Variants in DGKG observed in about 807,000 individuals in gnomAD.
The protein encoded by DGKG is DAG kinase gamma.
DGKG carries 78 observed loss-of-function variants against 105.3 expected under a neutral mutation model. That is an observed-to-expected ratio of 0.74 (90% CI 0.62 to 0.89). The LOEUF is 0.89. Among genes scored for constraint, DGKG ranks in the 40% least tolerant of loss-of-function variants. DGKG has a pLI of 0.00. For missense variants in DGKG, 958 were observed against 1,020.1 expected, an observed-to-expected ratio of 0.94 and a Z score of 0.83; for synonymous variants, 346 against 367.1, an observed-to-expected ratio of 0.94 and a Z score of 0.66.
chr3:186,163,059 A>G (rs1036842992), intron 23 of DGKG, among the ~76,000 whole-genome samples: 3 of 152,208 alleles, frequency 2.0e-5, no homozygotes, highest in African/African-American at 7.2e-5. Flanking sequence ...AGGCTGGAGT[A>G]CAGTCACATG....
intron 21 of DGKG, among the ~76,000 whole-genome samples, chr3:186,199,810 G>A (rs1395757864): frequency 3.3e-5 from 5 of 152,142 alleles, no homozygotes; most frequent in African/African-American, 7.2e-5. Flanking sequence ...CACTGCGCCC[G>A]GCCTTGTATT....
chr3:186,212,764 C>A (rs777860428), intron 20 of DGKG, among the ~76,000 whole-genome samples: 3 of 152,162 alleles, frequency 2.0e-5, no homozygotes, highest in Non-Finnish European at 4.4e-5. Flanking sequence ...AACTGTCACC[C>A]CATTATCAGG....
At chr3:186,343,513 A>G (rs555845920) in intron 1 of DGKG, among the ~76,000 whole-genome samples, 58 of 152,058 alleles carry the variant, frequency 3.8e-4, no homozygotes, top group African/African-American at 1.3e-3. Context: ...GGCTGGTCTC[A>G]ATTTCCTGAC....
intron 20 of DGKG, among the ~76,000 whole-genome samples, chr3:186,241,421 T>G (rs1239420834): frequency 2.0e-5 from 3 of 151,936 alleles, no homozygotes; most frequent in Non-Finnish European, 2.9e-5. Flanking sequence ...GGCATGATGG[T>G]GCACGCCTGT....
intron 20 of DGKG, among the ~76,000 whole-genome samples, chr3:186,228,627 G>T (rs1719974904): frequency 6.6e-6 from 1 of 152,152 alleles, no homozygotes. Context: ...CTCATGTCCA[G>T]TGTCCTCTCA....
chr3:186,200,010 T>C (rs906132600), intron 21 of DGKG, among the ~76,000 whole-genome samples: 4 of 152,228 alleles, frequency 2.6e-5, no homozygotes, highest in Non-Finnish European at 5.9e-5. Flanking sequence ...TTGTGCTTTG[T>C]TACCTATGAG....
intron 18 of DGKG, among the ~76,000 whole-genome samples, chr3:186,252,139 C>T (rs894825992): frequency 6.6e-6 from 1 of 152,104 alleles, no homozygotes; most frequent in African/African-American, 2.4e-5. Flanking sequence ...TGGGTGCTAG[C>T]TAAAGGTCAC....
chr3:186,240,690 A>G (rs1355644915), intron 20 of DGKG, among the ~76,000 whole-genome samples: 2 of 152,020 alleles, frequency 1.3e-5, no homozygotes, highest in African/African-American at 4.8e-5. Flanking sequence ...GGTGCCTGTA[A>G]TCCCAGCTAC....
At chr3:186,260,576 A>T in intron 15 of DGKG, 63 bp from the exon 16 acceptor site, 1 of 1,304,140 alleles carries the variant, frequency 7.7e-7, no homozygotes, top group Non-Finnish European at 1.1e-6. Context: ...TCATCGTGAG[A>T]AGTCACATTA....
At chr3:186,267,256 T>C (rs765895283) in intron 13 of DGKG, among the ~76,000 whole-genome samples, 4 of 152,150 alleles carry the variant, frequency 2.6e-5, no homozygotes, top group Non-Finnish European at 4.4e-5. Flanking sequence ...GCAAAAGGCT[T>C]AGAACAAATG....
At chr3:186,267,967 G>T (rs981417051) in intron 12 of DGKG, among the ~76,000 whole-genome samples, 190 bp from the exon 13 acceptor site, 1 of 152,068 alleles carries the variant, frequency 6.6e-6, no homozygotes, top group Non-Finnish European at 1.5e-5. Context: ...TGCAAAGTCT[G>T]CTGTGGGCTG....
intron 2 of DGKG, among the ~76,000 whole-genome samples, chr3:186,314,350 C>T (rs1397943647): frequency 5.3e-5 from 8 of 152,150 alleles, no homozygotes; most frequent in Non-Finnish European, 4.4e-5. Context: ...ATTTTACTAT[C>T]GACCTTCTTT....
chr3:186,300,673 T>C (rs1263778682), intron 3 of DGKG, among the ~76,000 whole-genome samples: 1 of 152,216 alleles, frequency 6.6e-6, no homozygotes. Context: ...GTACTATTAA[T>C]CTCTTTCAGC....
chr3:186,309,438 C>A (rs139750029), intron 2 of DGKG, among the ~76,000 whole-genome samples: 1 of 152,070 alleles, frequency 6.6e-6, no homozygotes, highest in Non-Finnish European at 1.5e-5. Context: ...AATAATATAA[C>A]CAGCTCTCTG....
chr3:186,283,506 C>A (rs755661584), intron 7 of DGKG, among the ~76,000 whole-genome samples: 1 of 152,190 alleles, frequency 6.6e-6, no homozygotes, highest in Non-Finnish European at 1.5e-5. Flanking sequence ...CGGCGACCCT[C>A]GCTAAAGCTT....
At position 186,150,202 on chromosome 3, in the gene DGKG, G is replaced by C; in HGVS notation, c.2278-14C>G. 6.2e-7 allele frequency: 1 copy of C among 1,605,200 alleles called. No homozygotes were observed. The highest frequency in any genetic ancestry group is 8.5e-7 in the Non-Finnish European group (1 of 1,174,840). On this transcript the variant is annotated splice_polypyrimidine_tract_variant and intron_variant, in intron 24 of 24. Transcript: ENST00000265022. ...AGTAATTTTAATCTAAAAGCAAAGAGGCAGAAATGAATTAGTGGCATGCAA... is the reference window on the plus strand; with the variant it reads ...AGTAATTTTAATCTAAAAGCAAAGACGCAGAAATGAATTAGTGGCATGCAA...
At chr3:186,347,908 T>C (rs546060787) in intron 1 of DGKG, among the ~76,000 whole-genome samples, 1 of 152,320 alleles carries the variant, frequency 6.6e-6, no homozygotes, top group East Asian at 1.9e-4. Flanking sequence ...TTCTTGGCTA[T>C]AATGTTCCAA....
At chr3:186,209,077 C>T (rs1718890916) in intron 21 of DGKG, among the ~76,000 whole-genome samples, 1 of 147,286 alleles carries the variant, frequency 6.8e-6, no homozygotes, top group Admixed American at 6.8e-5. Context: ...CTTTTCTCTC[C>T]CTTCAGTTTA....
Position 186,284,632 on chromosome 3 carries a change from A to G in DGKG, c.594+28T>C. 1 of 1,599,714 alleles carries G rather than the reference A, an allele frequency of 6.3e-7. No homozygotes were observed. The highest frequency in any genetic ancestry group is 1.3e-5 in the African/African-American group (1 of 74,738). ...TGCTCCCCCAGCCTTTCTCAGGTCC[A>G]TGAGGGATATTTAGAGTGAGAACTT... On this transcript the variant is annotated intron_variant, in intron 7 of 24. Transcript: ENST00000265022. The surrounding 1 kb of genome is among the most constrained non-coding windows in gnomAD (Gnocchi z 4.0).
Sources: gnomAD v4.1 joint callset for allele counts (sites outside exome capture counted in the v4.1 genomes callset) on GRCh38, gnomAD v4.1.1 for gene constraint, Gnocchi (gnomAD v3.1) non-coding constraint, MANE v1.5 for transcripts, NCBI Gene and HGNC (gene_info 2026-07-23, HGNC 2026-07-21) for gene names.